NAALADL2: variants seen among roughly 807,000 people sequenced by gnomAD.
NAALADL2 encodes inactive N-acetylated-alpha-linked acidic dipeptidase-like protein 2.
NAALADL2 carries 76 observed loss-of-function variants against 87.2 expected under a neutral mutation model. The observed-to-expected ratio is 0.87, with a 90% CI of 0.72 to 1.05. The LOEUF (loss-of-function observed/expected upper bound fraction) is 1.05, where lower values mean the gene tolerates loss of function less well. Among genes scored for constraint, NAALADL2 ranks in the 50% least tolerant of loss-of-function variants. NAALADL2 has a pLI of 0.00. For missense variants in NAALADL2, 1,089 were observed against 945.8 expected (o/e 1.15, Z -1.99); for synonymous variants, 354 against 331.0 (o/e 1.07, Z -0.75).
chr3:174,506,460 C>T (rs564147295), intron 1 of NAALADL2, among the ~76,000 whole-genome samples: 3 of 152,198 alleles, frequency 2.0e-5, no homozygotes, highest in Admixed American at 1.3e-4. Context: ...GGATTACAGG[C>T]GTGAACCACT....
intron 5 of NAALADL2, among the ~76,000 whole-genome samples, chr3:175,392,660 T>C (rs1275920681): frequency 6.6e-6 from 1 of 152,216 alleles, no homozygotes; most frequent in Non-Finnish European, 1.5e-5. Context: ...GTTTCTTTCC[T>C]AAAACGGTGC....
chr3:174,892,580 G>T (rs1247894937), intron 1 of NAALADL2, among the ~76,000 whole-genome samples: 2 of 152,038 alleles, frequency 1.3e-5, no homozygotes, highest in Non-Finnish European at 2.9e-5. Flanking sequence ...TTTATTCAGA[G>T]GAATAAGAGA....
At chr3:174,740,911 A>G (rs555368346) in intron 3 of NAALADL2, among the ~76,000 whole-genome samples, 1 of 151,898 alleles carries the variant, frequency 6.6e-6, no homozygotes, top group African/African-American at 2.4e-5. Flanking sequence ...TTTATGAAAA[A>G]GTTCTCACTA....
chr3:175,531,943 C>T (rs1734141128), intron 9 of NAALADL2, among the ~76,000 whole-genome samples: 1 of 152,178 alleles, frequency 6.6e-6, no homozygotes, highest in Non-Finnish European at 1.5e-5. Flanking sequence ...CACAGTCCCT[C>T]AAGGGATGCA....
chr3:175,380,152 A>G (rs1362571575), intron 5 of NAALADL2, among the ~76,000 whole-genome samples: 1 of 152,102 alleles, frequency 6.6e-6, no homozygotes, highest in Admixed American at 6.5e-5. Flanking sequence ...ATGCATATGT[A>G]ACAAACCTGC....
chr3:175,725,855 T>C (rs1742850717), intron 11 of NAALADL2, among the ~76,000 whole-genome samples: 1 of 152,198 alleles, frequency 6.6e-6, no homozygotes, highest in African/African-American at 2.4e-5. Flanking sequence ...ATGCCTGGCA[T>C]ATGGCAAGAG....
intron 9 of NAALADL2, among the ~76,000 whole-genome samples, chr3:175,482,656 T>G (rs1033201983): frequency 2.6e-5 from 4 of 151,892 alleles, no homozygotes; most frequent in African/African-American, 9.7e-5. Context: ...AGTAGTTAAT[T>G]CATGTCTATG....
At chr3:175,425,492 G>A (rs1716615905) in intron 5 of NAALADL2, among the ~76,000 whole-genome samples, 1 of 151,812 alleles carries the variant, frequency 6.6e-6, no homozygotes, top group African/African-American at 2.4e-5. Context: ...AAAATAATAG[G>A]TTTACCCAGG....
At chr3:174,928,423 G>A (rs1048694437) in intron 1 of NAALADL2, among the ~76,000 whole-genome samples, 2 of 151,998 alleles carry the variant, frequency 1.3e-5, no homozygotes, top group South Asian at 2.1e-4. Context: ...TGCATTTTTA[G>A]TAGAGACGGG....
intron 1 of NAALADL2, among the ~76,000 whole-genome samples, chr3:175,085,409 T>C (rs1173123509): frequency 6.6e-6 from 1 of 152,208 alleles, no homozygotes; most frequent in African/African-American, 2.4e-5. Context: ...CCTATTTTTA[T>C]TGTTATCATA....
At chr3:174,838,732 A>G (rs1444264219) in intron 3 of NAALADL2, among the ~76,000 whole-genome samples, 1 of 152,136 alleles carries the variant, frequency 6.6e-6, no homozygotes, top group Non-Finnish European at 1.5e-5. Context: ...CAAGAACTCA[A>G]CACATTTTAC....
At chr3:175,203,369 T>G (rs2109176948) in intron 2 of NAALADL2, among the ~76,000 whole-genome samples, 1 of 152,272 alleles carries the variant, frequency 6.6e-6, no homozygotes, top group African/African-American at 2.4e-5. Flanking sequence ...TGACTCAGCT[T>G]CAAGTAAGGT....
intron 4 of NAALADL2, among the ~76,000 whole-genome samples, chr3:175,300,038 A>G (rs1170810695): frequency 1.3e-5 from 2 of 152,140 alleles, no homozygotes; most frequent in Non-Finnish European, 2.9e-5. Flanking sequence ...GCATCTTTTG[A>G]GATAATCATG....
At chr3:175,169,091 G>T (rs1038869966) in intron 2 of NAALADL2, among the ~76,000 whole-genome samples, 3 of 150,976 alleles carry the variant, frequency 2.0e-5, no homozygotes, top group Admixed American at 2.0e-4. Context: ...CATTTTAGCT[G>T]ATCTTCATGA....
chr3:174,692,294 T>G (rs1010308761), intron 2 of NAALADL2, among the ~76,000 whole-genome samples: 2 of 152,236 alleles, frequency 1.3e-5, no homozygotes, highest in African/African-American at 4.8e-5. Context: ...TCTTCTTGTT[T>G]ATGATTGTTT....
chr3:175,778,255 A>G (rs1750532401), intron 13 of NAALADL2, among the ~76,000 whole-genome samples: 1 of 152,206 alleles, frequency 6.6e-6, no homozygotes, highest in East Asian at 1.9e-4. Flanking sequence ...ATAAGAATAT[A>G]TACAGAAAAA....
intron 11 of NAALADL2, among the ~76,000 whole-genome samples, chr3:175,727,858 G>C (rs903757062): frequency 6.6e-6 from 1 of 152,094 alleles, no homozygotes; most frequent in Admixed American, 6.6e-5. Context: ...GCAAGAAGAG[G>C]AGCATTATTC....
rs1226950790 is a variant in NAALADL2, at chr3:175,295,678, A to G, written c.940-28497A>G. On this transcript the variant is annotated intron_variant, in intron 4 of 13. Transcript: ENST00000454872. ...TATCTGAAAACACAATCTGACAATC[A>G]TACTTCCCTACTTAAAATCTTTTGA... Among the ~76,000 whole-genome samples, 7 of 151,282 alleles carry G rather than the reference A, an allele frequency of 4.6e-5. No homozygotes were observed. The South Asian group carries it at 1.3e-3, about 27-fold the overall frequency.
intron 9 of NAALADL2, among the ~76,000 whole-genome samples, chr3:175,479,391 C>T (rs1297966850): frequency 6.6e-6 from 1 of 151,796 alleles, no homozygotes; most frequent in Admixed American, 6.6e-5. Flanking sequence ...TGTTATCTTG[C>T]ATTATAAAGA....
Sources: allele counts gnomAD v4.1 joint callset (sites outside exome capture counted in the v4.1 genomes callset), GRCh38; gene constraint gnomAD v4.1.1; transcripts MANE v1.5; gene names NCBI Gene and HGNC (gene_info 2026-07-23, HGNC 2026-07-21).